Variants in MTA1 observed in about 807,000 individuals in gnomAD.
MTA1 encodes metastasis-associated protein MTA1.
Under a neutral mutation model 97.0 loss-of-function variants are expected in MTA1, and 15 were observed. The ratio of observed to expected loss-of-function variants is 0.15; its 90% confidence interval spans 0.10 to 0.24. MTA1 has a LOEUF of 0.24. MTA1 is among the 10% of genes least tolerant of loss of function. The pLI is 1.00. For synonymous variants in MTA1, 435 were observed against 417.5 expected (o/e 1.04, Z -0.51); for missense variants, 709 against 1,015.1 (o/e 0.70, Z 4.10).
intron 16 of MTA1, 46 bp from the exon 17 acceptor site, chr14:105,466,380 C>T (rs1287305852): frequency 1.9e-6 from 3 of 1,566,170 alleles, no homozygotes; most frequent in Non-Finnish European, 2.6e-6. Context: ...CTGCCCCTCC[C>T]CTGCTGGGCA....
At chr14:105,438,428 C>T (rs1220490851) in intron 1 of MTA1, among the ~76,000 whole-genome samples, 2 of 152,200 alleles carry the variant, frequency 1.3e-5, no homozygotes, top group Non-Finnish European at 2.9e-5. Context: ...TCTGCTCCTG[C>T]TGGGAACGGC....
chr14:105,441,631 A>G (rs2082522575), intron 2 of MTA1, among the ~76,000 whole-genome samples: 1 of 152,158 alleles, frequency 6.6e-6, no homozygotes, highest in African/African-American at 2.4e-5. Context: ...CGTCTCTACT[A>G]AAAATACAAA....
Position 105,464,074 on chromosome 14 carries a change from G to A in MTA1, c.1119G>A (p.Lys373=). The A allele has an allele frequency of 9.9e-6, 16 of 1,612,644 alleles. No homozygotes were observed. Among genetic ancestry groups the A allele is most frequent in the Non-Finnish European group, 1.3e-5 (15 of 1,179,806 alleles). Residue 373 remains lysine, a synonymous_variant, in exon 13 of 21, where the codon AAG becomes AAA. Transcript: ENST00000331320. The part of the protein sequence containing the change: ...NPNQISVNNV[K]AGVVNGTGAP... Reference sequence around the variant, plus strand: ...ACCAAATCAGCGTCAACAACGTCAAGGCCGGTGTGGTGAACGGCACGGGGG... The same window carrying A: ...ACCAAATCAGCGTCAACAACGTCAAAGCCGGTGTGGTGAACGGCACGGGGG...
At chr14:105,444,095 C>G (rs762404832) in intron 2 of MTA1, among the ~76,000 whole-genome samples, 1 of 127,584 alleles carries the variant, frequency 7.8e-6, no homozygotes, top group East Asian at 2.4e-4. Context: ...CTAAAAAGGC[C>G]GGGTGCGGTG....
intron 19 of MTA1, 27 bp downstream of exon 19, chr14:105,469,525 A>T: frequency 4.3e-6 from 7 of 1,611,416 alleles, no homozygotes; most frequent in Non-Finnish European, 5.9e-6. Context: ...ATGATGGGGT[A>T]CGGTGCGCTC....
At chr14:105,443,065 G>A (rs1226918398) in intron 2 of MTA1, among the ~76,000 whole-genome samples, 5 of 152,228 alleles carry the variant, frequency 3.3e-5, no homozygotes, top group African/African-American at 1.2e-4. Context: ...GTCTGTGTGT[G>A]TCACTGTGAT....
At chr14:105,461,209 G>A (rs1330847403) in intron 10 of MTA1, among the ~76,000 whole-genome samples, 1 of 152,346 alleles carries the variant, frequency 6.6e-6, no homozygotes, top group East Asian at 1.9e-4. Flanking sequence ...CCACCATTGC[G>A]TGATGAGGAT....
Position 105,439,942 on chromosome 14 carries a change from G to A in MTA1, c.96+1203G>A, listed in dbSNP as rs1224405508. On this transcript the variant is annotated intron_variant, in intron 2 of 20. Transcript: ENST00000331320. ...GGGGCAGCGGGGGGAAGGTTAGCGC[G>A]CCACCTCTGACGTAGCCATGCTGGG... is the stretch of plus-strand genomic sequence containing the variant. 3.3e-5 allele frequency among the ~76,000 whole-genome samples: 5 copies of A among 152,174 alleles called. No individual in the cohort carries two copies. In the South Asian group the frequency reaches 6.2e-4, roughly 19 times the overall value.
At chr14:105,448,558 G>A (rs1412310556) in intron 3 of MTA1, among the ~76,000 whole-genome samples, 1 of 152,186 alleles carries the variant, frequency 6.6e-6, no homozygotes, top group Non-Finnish European at 1.5e-5. Flanking sequence ...TTGCTCGTGG[G>A]TCCCCAGAAG....
chr14:105,466,302 G>GA (rs2083580544), intron 16 of MTA1, 124 bp from the exon 17 acceptor site: 2 of 865,160 alleles, frequency 2.3e-6, no homozygotes, highest in African/African-American at 1.7e-5. Flanking sequence ...GGGGCCTCGG[G>GA]TGGGGGCCGC....
chr14:105,458,674 G>A (rs782150030), intron 8 of MTA1, among the ~76,000 whole-genome samples: 9 of 152,184 alleles, frequency 5.9e-5, no homozygotes, highest in Non-Finnish European at 1.2e-4. Flanking sequence ...CTGGGCCACT[G>A]GGAGCAAGTG....
At chr14:105,440,645 C>T (rs2082480766) in intron 2 of MTA1, among the ~76,000 whole-genome samples, 1 of 152,268 alleles carries the variant, frequency 6.6e-6, no homozygotes, top group Non-Finnish European at 1.5e-5. Flanking sequence ...CTAGGACTCC[C>T]TCCTCCTCAG....
intron 16 of MTA1, 50 bp from the exon 17 acceptor site, chr14:105,466,376 C>T (rs1555432776): frequency 6.4e-7 from 1 of 1,552,704 alleles, no homozygotes; most frequent in Admixed American, 1.8e-5. Flanking sequence ...CTGCCTGCCC[C>T]TCCCCTGCTG....
intron 1 of MTA1, among the ~76,000 whole-genome samples, chr14:105,429,743 G>C (rs12897909): frequency 3.0e-5 from 4 of 131,294 alleles, no homozygotes; most frequent in Admixed American, 1.7e-4. Flanking sequence ...GTGAGCCACT[G>C]CGCCCGGCCT....
chr14:105,446,777 G>A (rs587681367), intron 3 of MTA1, among the ~76,000 whole-genome samples: 1 of 152,362 alleles, frequency 6.6e-6, no homozygotes, highest in Admixed American at 6.5e-5. Context: ...GCTGGGCCGG[G>A]CCCCCGAGCC....
rs145636380 is a variant in MTA1 at position 105,448,122 on chromosome 14, C to A, written c.191-1237C>A. 8.0e-4 allele frequency among the ~76,000 whole-genome samples: 121 copies of A among 152,198 alleles called. 4 individuals are homozygous for A. The East Asian group carries it at 0.013, about 16-fold the overall frequency. On this transcript the variant is annotated intron_variant, in intron 3 of 20. Transcript: ENST00000331320. ...GGACAGAATGACAGGGAGAGGGGAA[C>A]GTCCCTCCTCAGAGGAGGGCGTGGG... is the stretch of plus-strand genomic sequence containing the variant.
At chr14:105,447,110 C>T (rs2082741806) in intron 3 of MTA1, among the ~76,000 whole-genome samples, 1 of 152,190 alleles carries the variant, frequency 6.6e-6, no homozygotes, top group African/African-American at 2.4e-5. Context: ...GCACGGCTGG[C>T]GGTTCTTAGT....
chr14:105,460,274 T>C, intron 8 of MTA1, 84 bp from the exon 9 acceptor site: 1 of 1,307,838 alleles, frequency 7.6e-7, no homozygotes, highest in South Asian at 1.4e-5. Flanking sequence ...CCGTGGCCGC[T>C]GGTCCCTGGC....
chr14:105,470,595 T>G lies in MTA1; in HGVS notation c.*380T>G. 1 of 187,360 alleles carries G rather than the reference T, an allele frequency of 5.3e-6. No homozygotes were observed. Among genetic ancestry groups the G allele is most frequent in the Non-Finnish European group, 1.1e-5 (1 of 92,452 alleles). 11.6% of individuals were successfully genotyped at this position (187,360 alleles called of 1,614,324 possible). Reference sequence around the variant, plus strand: ...TGTAGATGAACTTGAGCTCTGTAACTTACACCTGGAATGTTAGGATCGTGC... The same window carrying G: ...TGTAGATGAACTTGAGCTCTGTAACGTACACCTGGAATGTTAGGATCGTGC... On this transcript the variant is annotated 3_prime_UTR_variant, in exon 21 of 21. Coordinates refer to ENST00000331320, the MANE Select transcript of MTA1 (RefSeq NM_004689.4).
Sources: gnomAD v4.1 joint callset for allele counts (sites outside exome capture counted in the v4.1 genomes callset) on GRCh38, gnomAD v4.1.1 for gene constraint, MANE v1.5 for transcripts, NCBI Gene and HGNC (gene_info 2026-07-23, HGNC 2026-07-21) for gene names.